CAPN13: variants seen among roughly 807,000 people sequenced by gnomAD.
The protein encoded by CAPN13 is calpain-13.
In CAPN13, 90 loss-of-function variants were observed where a neutral mutation model predicts 98.4. The ratio of observed to expected loss-of-function variants is 0.92; its 90% CI spans 0.77 to 1.09. The LOEUF is 1.09. CAPN13 is among the 50% of genes least tolerant of loss of function. The pLI is 0.00. For missense variants in CAPN13, 887 were observed against 841.3 expected (o/e 1.05, Z -0.67); for synonymous variants, 330 against 305.5 (o/e 1.08, Z -0.84).
Position 30,770,302 on chromosome 2 carries a change from G to T in CAPN13, c.524+11C>A. On this transcript the variant is annotated intron_variant, in intron 5 of 22. Coordinates refer to ENST00000295055, the MANE Select transcript of CAPN13 (RefSeq NM_144575.3). ...AAACTCTGGGCTGATGGGTGGCGGG[G>T]TTGTACTTACTTGGCATAGGCCTTC... The T allele has an allele frequency of 1.9e-6, 3 of 1,613,310 alleles. No individual in the cohort carries two copies. The highest frequency in any genetic ancestry group is 2.5e-6 in the Non-Finnish European group (3 of 1,179,446).
At chr2:30,800,190 A>AAGAAAGAG (rs1385247231) in intron 1 of CAPN13, among the ~76,000 whole-genome samples, 1 of 150,612 alleles carries the variant, frequency 6.6e-6, no homozygotes, top group Non-Finnish European at 1.5e-5. Context: ...GAAAGAAAGA[A>AAGAAAGAG]AACTACGTAG....
intron 4 of CAPN13, among the ~76,000 whole-genome samples, chr2:30,770,924 C>G (rs1673374092): frequency 6.6e-6 from 1 of 152,138 alleles, no homozygotes; most frequent in Non-Finnish European, 1.5e-5. Context: ...GGCAGGGAGA[C>G]AGGGAAGGTA....
intron 18 of CAPN13, among the ~76,000 whole-genome samples, chr2:30,734,749 C>T (rs780185395): frequency 6.6e-6 from 1 of 152,200 alleles, no homozygotes; most frequent in East Asian, 1.9e-4. Flanking sequence ...CTCTTCTGTG[C>T]CCCCAGACTG....
At chr2:30,745,567 C>T (rs993570166) in intron 12 of CAPN13, among the ~76,000 whole-genome samples, 156 bp downstream of exon 12, 11 of 152,148 alleles carry the variant, frequency 7.2e-5, no homozygotes, top group Non-Finnish European at 1.5e-4. Flanking sequence ...CTTTGTGAAC[C>T]TGTTTGGGGA....
chr2:30,777,824 G>A (rs1673781322), intron 2 of CAPN13, among the ~76,000 whole-genome samples, 185 bp from the exon 3 acceptor site: 1 of 152,164 alleles, frequency 6.6e-6, no homozygotes, highest in Admixed American at 6.5e-5. Context: ...GTGTCACGGA[G>A]TGTAAATGTA....
chr2:30,758,962 CTTCTGT>C (rs1394801524), intron 7 of CAPN13, among the ~76,000 whole-genome samples: 1 of 123,768 alleles, frequency 8.1e-6, no homozygotes, highest in African/African-American at 3.2e-5. Context: ...TCCCTCCTTC[CTTCTGT>C]TTCTTTCCTT....
At chr2:30,763,258 G>C (rs779605384) in intron 6 of CAPN13, 102 bp from the exon 7 acceptor site, 57 of 982,544 alleles carry the variant, frequency 5.8e-5, no homozygotes, top group Non-Finnish European at 7.9e-5. Context: ...GGGCCTCACT[G>C]ACTCACTTGG....
At chr2:30,751,800 T>C (rs1572816195) in intron 10 of CAPN13, among the ~76,000 whole-genome samples, 1 of 152,052 alleles carries the variant, frequency 6.6e-6, no homozygotes, top group Non-Finnish European at 1.5e-5. Flanking sequence ...GGACTGACAA[T>C]GGGGGAGCTC....
At chr2:30,754,722 C>G (rs1672356989) in intron 8 of CAPN13, among the ~76,000 whole-genome samples, 1 of 152,086 alleles carries the variant, frequency 6.6e-6, no homozygotes, top group Non-Finnish European at 1.5e-5. Flanking sequence ...CCCCCACATC[C>G]AAACAATCAT....
intron 5 of CAPN13, among the ~76,000 whole-genome samples, chr2:30,765,412 A>C (rs1673061941): frequency 6.6e-6 from 1 of 152,166 alleles, no homozygotes; most frequent in African/African-American, 2.4e-5. Flanking sequence ...GTCCCCGGTG[A>C]GCAGGCAGAG....
intron 1 of CAPN13, among the ~76,000 whole-genome samples, chr2:30,800,188 G>GA (rs1171571332): frequency 6.8e-6 from 1 of 148,036 alleles, no homozygotes; most frequent in Admixed American, 6.7e-5. Context: ...AAGAAAGAAA[G>GA]AAAACTACGT....
At chr2:30,768,542 G>A (rs1164172373) in intron 5 of CAPN13, among the ~76,000 whole-genome samples, 1 of 152,198 alleles carries the variant, frequency 6.6e-6, no homozygotes, top group African/African-American at 2.4e-5. Context: ...AGCCCCATGA[G>A]AGTCCCTGCC....
chr2:30,764,217 A>T lies in CAPN13; in HGVS notation c.614T>A (p.Leu205Gln), dbSNP rs777890278. 6.2e-7 allele frequency: 1 copy of T among 1,612,622 alleles called. No homozygotes were observed. The highest frequency in any genetic ancestry group is 2.2e-5 in the East Asian group (1 of 44,854). ...CACCAGGTCCACAGGGGAAGAGTGC[A>T]GATGGATGTTGGTGATCACGCCTCC... is the stretch of plus-strand genomic sequence containing the variant. The part of the protein sequence containing the change: ...LTGGVITNIH[L>Q]HSSPVDLVKA... Residue 205 changes from leucine to glutamine, a missense_variant, in exon 6 of 23, where the codon CTG (leucine) becomes CAG (glutamine). Transcript: ENST00000295055.
chr2:30,738,615 C>G (rs1572793060), intron 15 of CAPN13, among the ~76,000 whole-genome samples, 158 bp from the exon 16 acceptor site: 1 of 152,200 alleles, frequency 6.6e-6, no homozygotes, highest in Non-Finnish European at 1.5e-5. Flanking sequence ...TGGCTGCCAG[C>G]CATAGTAGTG....
chr2:30,731,091 C>T (rs1671062192), intron 21 of CAPN13, among the ~76,000 whole-genome samples: 1 of 152,166 alleles, frequency 6.6e-6, no homozygotes. Flanking sequence ...CTTCTGTTCC[C>T]TCCTGGATTT....
intron 1 of CAPN13, among the ~76,000 whole-genome samples, chr2:30,796,185 CATATATATGTGTGTGT>C (rs1674860511): frequency 1.5e-5 from 2 of 132,758 alleles, no homozygotes; most frequent in African/African-American, 6.4e-5. Flanking sequence ...TATATATATA[CATATATATGTGTGTGT>C]ATATATATAT....
At chr2:30,772,829 T>G (rs1005649950) in intron 4 of CAPN13, among the ~76,000 whole-genome samples, 1 of 152,016 alleles carries the variant, frequency 6.6e-6, no homozygotes, top group Non-Finnish European at 1.5e-5. Flanking sequence ...TTTCTTTTTT[T>G]TTTTTTTTGA....
intron 11 of CAPN13, among the ~76,000 whole-genome samples, chr2:30,748,030 G>GA (rs1362818728): frequency 6.6e-6 from 1 of 152,224 alleles, no homozygotes; most frequent in Non-Finnish European, 1.5e-5. Context: ...GACTTTGGGT[G>GA]AATCAACACA....
chr2:30,757,241 G>A (rs182898511), intron 8 of CAPN13, among the ~76,000 whole-genome samples: 50 of 152,354 alleles, frequency 3.3e-4, no homozygotes, highest in Admixed American at 1.2e-3. Flanking sequence ...GCTGCCCAGA[G>A]GAGCAAGTAA....
Sources: allele counts gnomAD v4.1 joint callset (sites outside exome capture counted in the v4.1 genomes callset), GRCh38; gene constraint gnomAD v4.1.1; transcripts MANE v1.5; gene names NCBI Gene and HGNC (gene_info 2026-07-23, HGNC 2026-07-21).